XKR4: variants seen among roughly 807,000 people sequenced by gnomAD.
XKR4 encodes XK-related protein 4.
XKR4 carries 12 observed loss-of-function variants against 53.9 expected under a neutral mutation model. That is an observed-to-expected ratio of 0.22 (90% CI 0.14 to 0.36). The LOEUF is 0.36. XKR4 is among the 10% of genes least tolerant of loss of function. The pLI, the probability that XKR4 is intolerant of heterozygous loss-of-function variation, is 1.00. For missense variants in XKR4, 799 were observed against 859.5 expected (o/e 0.93, Z 0.88); for synonymous variants, 354 against 362.4 (o/e 0.98, Z 0.26).
intron 2 of XKR4, among the ~76,000 whole-genome samples, chr8:55,418,880 A>G (rs1585564233): frequency 7.0e-6 from 1 of 143,504 alleles, no homozygotes; most frequent in South Asian, 2.1e-4. Flanking sequence ...CTGCTCTCCA[A>G]TTTGCCCTGC....
intron 1 of XKR4, among the ~76,000 whole-genome samples, chr8:55,280,912 A>G (rs2129373841): frequency 6.6e-6 from 1 of 152,218 alleles, no homozygotes; most frequent in East Asian, 1.9e-4. Context: ...AAACAACAAA[A>G]TTAAATCTTC....
At chr8:55,410,814 C>T (rs1804765967) in intron 2 of XKR4, among the ~76,000 whole-genome samples, 1 of 152,188 alleles carries the variant, frequency 6.6e-6, no homozygotes, top group Non-Finnish European at 1.5e-5. Flanking sequence ...ATAAAATCCA[C>T]CCACCTTTGT....
intron 1 of XKR4, among the ~76,000 whole-genome samples, chr8:55,313,955 G>A (rs781136383): frequency 2.0e-5 from 3 of 152,126 alleles, no homozygotes; most frequent in Admixed American, 6.6e-5. Flanking sequence ...CCTTTTCAAC[G>A]AACAGACTAA....
At chr8:55,476,583 C>T (rs192883617) in intron 2 of XKR4, among the ~76,000 whole-genome samples, 75 of 152,016 alleles carry the variant, frequency 4.9e-4, no homozygotes, top group African/African-American at 1.7e-3. Context: ...CAAGCTGAAG[C>T]AGGGCGAGGC....
At chr8:55,189,708 A>T (rs1379342375) in intron 1 of XKR4, among the ~76,000 whole-genome samples, 1 of 152,194 alleles carries the variant, frequency 6.6e-6, no homozygotes, top group Non-Finnish European at 1.5e-5. Flanking sequence ...TCTGCTGTTG[A>T]CCAAAACATC....
At chr8:55,454,932 T>C (rs762591404) in intron 2 of XKR4, 1 of 796,216 alleles carries the variant, frequency 1.3e-6, no homozygotes, top group East Asian at 2.4e-5. Flanking sequence ...CCGGAGTTGA[T>C]GTCGGTGAGG....
chr8:55,183,369 C>T (rs935035550), intron 1 of XKR4, among the ~76,000 whole-genome samples: 1 of 151,582 alleles, frequency 6.6e-6, no homozygotes, highest in African/African-American at 2.4e-5. Context: ...TGCTACTTTT[C>T]TCTTATCACT....
intron 1 of XKR4, among the ~76,000 whole-genome samples, chr8:55,239,491 A>G (rs1310800194): frequency 6.6e-6 from 1 of 152,198 alleles, no homozygotes; most frequent in Admixed American, 6.5e-5. Context: ...GAATAGGAAC[A>G]TGTCTTTGTC....
intron 1 of XKR4, among the ~76,000 whole-genome samples, chr8:55,298,687 C>G (rs919055156): frequency 2.0e-5 from 3 of 152,172 alleles, no homozygotes; most frequent in African/African-American, 4.8e-5. Context: ...AGGGGACAAA[C>G]GTCCAACCTA....
chr8:55,189,001 A>G (rs1300392785), intron 1 of XKR4, among the ~76,000 whole-genome samples: 1 of 152,180 alleles, frequency 6.6e-6, no homozygotes. Context: ...CTCTTCTGTC[A>G]TCTAGATCGG....
chr8:55,449,590 G>A (rs1805397138), intron 2 of XKR4: 2 of 1,268,082 alleles, frequency 1.6e-6, no homozygotes, highest in East Asian at 2.3e-5. Flanking sequence ...AGTCGTAAAC[G>A]CGAGGAGTTG....
intron 1 of XKR4, among the ~76,000 whole-genome samples, chr8:55,337,423 T>C (rs1418664333): frequency 6.6e-6 from 1 of 152,228 alleles, no homozygotes; most frequent in African/African-American, 2.4e-5. Flanking sequence ...TGATATTTTA[T>C]GAATCAGGGC....
intron 1 of XKR4, among the ~76,000 whole-genome samples, chr8:55,354,453 G>C (rs993152130): frequency 6.6e-6 from 1 of 152,150 alleles, no homozygotes; most frequent in Admixed American, 6.5e-5. Context: ...AGATGAGAGA[G>C]AATGTCCAAA....
intron 1 of XKR4, among the ~76,000 whole-genome samples, chr8:55,342,018 AAC>A (rs1226884012): frequency 1.3e-5 from 2 of 152,078 alleles, no homozygotes; most frequent in African/African-American, 4.8e-5. Flanking sequence ...GCATGCATCC[AAC>A]TGTCTACTCA....
chr8:55,426,042 C>T (rs560834873), intron 2 of XKR4, among the ~76,000 whole-genome samples: 1 of 152,306 alleles, frequency 6.6e-6, no homozygotes, highest in African/African-American at 2.4e-5. Flanking sequence ...CAACACCATA[C>T]TGCTTTCAGT....
intron 1 of XKR4, among the ~76,000 whole-genome samples, chr8:55,280,925 A>T (rs1380246628): frequency 6.6e-6 from 1 of 152,194 alleles, no homozygotes; most frequent in East Asian, 1.9e-4. Context: ...AAATCTTCCA[A>T]TGAACAGTTC....
chr8:55,415,429 A>G (rs151239220), intron 2 of XKR4, among the ~76,000 whole-genome samples: 4 of 152,342 alleles, frequency 2.6e-5, no homozygotes, highest in Non-Finnish European at 5.9e-5. Context: ...CATAACAGCA[A>G]AGTTATCTTC....
intron 2 of XKR4, among the ~76,000 whole-genome samples, chr8:55,388,634 G>A (rs927301599): frequency 1.3e-5 from 2 of 152,148 alleles, no homozygotes; most frequent in African/African-American, 2.4e-5. Context: ...TCTCATTTAT[G>A]AGGGCGTTAC....
chr8:55,382,204 T>C (rs1279029656), intron 2 of XKR4, among the ~76,000 whole-genome samples: 1 of 152,238 alleles, frequency 6.6e-6, no homozygotes, highest in Admixed American at 6.5e-5. Flanking sequence ...TAGAAGAACT[T>C]AAACTATGAC....
Sources: allele counts gnomAD v4.1 joint callset (sites outside exome capture counted in the v4.1 genomes callset), GRCh38; gene constraint gnomAD v4.1.1; transcripts MANE v1.5; gene names NCBI Gene and HGNC (gene_info 2026-07-23, HGNC 2026-07-21).